Variants in NCOR1 observed in about 807,000 individuals in gnomAD.
The protein encoded by NCOR1 is protein phosphatase 1, regulatory subunit 109.
Under a neutral mutation model 288.1 loss-of-function variants are expected in NCOR1, and 63 were observed. That is an observed-to-expected ratio of 0.22 (90% confidence interval 0.18 to 0.27). The LOEUF (loss-of-function observed/expected upper bound fraction) is 0.27, where lower values mean the gene tolerates loss of function less well. Ranked by LOEUF, NCOR1 falls within the 10% of genes least tolerant of loss-of-function variation. The probability of loss-of-function intolerance (pLI) is 1.00; values close to 1 mark genes in which losing one functional copy is unlikely to be tolerated. For synonymous variants in NCOR1, 1,007 were observed against 1,065.9 expected (o/e 0.94, Z 1.08); for missense variants, 2,397 against 3,019.2 (o/e 0.79, Z 4.83).
chr17:16,180,069 C>A (rs2085089604), intron 3 of NCOR1, among the ~76,000 whole-genome samples: 1 of 151,768 alleles, frequency 6.6e-6, no homozygotes, highest in Non-Finnish European at 1.5e-5. Flanking sequence ...CCCTGGCATG[C>A]AAGGCTGGTT....
intron 27 of NCOR1, among the ~76,000 whole-genome samples, chr17:16,074,062 A>G (rs2062081048): frequency 6.6e-6 from 1 of 152,218 alleles, no homozygotes; most frequent in Non-Finnish European, 1.5e-5. Context: ...AAGGTGAGAC[A>G]GAGAAAGGTA....
intron 22 of NCOR1, 145 bp downstream of exon 22, chr17:16,091,718 T>A: frequency 6.8e-7 from 1 of 1,474,176 alleles, no homozygotes; most frequent in Non-Finnish European, 9.0e-7. Flanking sequence ...TAGTTTAAGG[T>A]CAATTTAAGG....
intron 23 of NCOR1, 28 bp downstream of exon 23, chr17:16,086,254 A>T: frequency 6.2e-7 from 1 of 1,603,128 alleles, no homozygotes; most frequent in South Asian, 1.1e-5. Flanking sequence ...TTCAACAAGA[A>T]ATCTACTGTA....
At position 16,032,011 on chromosome 17, in the gene NCOR1, G is replaced by A. The variant is rs1972094700; in HGVS notation, c.*285C>T. On this transcript the variant is annotated 3_prime_UTR_variant, in exon 46 of 46. Coordinates refer to ENST00000268712, the MANE Select transcript of NCOR1 (RefSeq NM_006311.4). ...AGACATTATGGTTTTCTTTACAGATGTAAGAACAGCAACTGTTCACTTTTT... is the reference window on the plus strand; with the variant it reads ...AGACATTATGGTTTTCTTTACAGATATAAGAACAGCAACTGTTCACTTTTT... 5.1e-6 allele frequency: 2 copies of A among 392,696 alleles called. No homozygotes were observed. Among genetic ancestry groups the A allele is most frequent in the Middle Eastern group, 6.5e-4 (1 of 1,538 alleles). The allele number at this position is 392,696 out of a possible 1,614,324, so 24.3% of individuals were successfully genotyped here.
At chr17:16,151,523 G>T in intron 8 of NCOR1, 1 of 1,127,710 alleles carries the variant, frequency 8.9e-7, no homozygotes, top group Non-Finnish European at 1.2e-6. Flanking sequence ...ACTTTGCAAT[G>T]GCAGATGTGG....
At chr17:16,076,234 G>A (rs975277843) in intron 26 of NCOR1, among the ~76,000 whole-genome samples, 2 of 152,088 alleles carry the variant, frequency 1.3e-5, no homozygotes, top group African/African-American at 4.8e-5. Flanking sequence ...TATTTTAGAC[G>A]ATGAAAATTA....
intron 19 of NCOR1, among the ~76,000 whole-genome samples, chr17:16,108,539 A>G (rs925698015): frequency 1.3e-5 from 2 of 152,214 alleles, no homozygotes; most frequent in East Asian, 3.8e-4. Context: ...CAGGTATTTT[A>G]TTGATGTTGG....
At chr17:16,039,695 G>A (rs1265917441) in intron 43 of NCOR1, 41 bp from the exon 44 acceptor site, 1 of 1,548,912 alleles carries the variant, frequency 6.5e-7, no homozygotes. Context: ...TTTCTGAAAG[G>A]CCAATCAGGA....
chr17:16,102,598 A>AT (rs917216885), intron 19 of NCOR1, among the ~76,000 whole-genome samples: 148 of 134,056 alleles, frequency 1.1e-3, no homozygotes, highest in African/African-American at 1.7e-3. Flanking sequence ...TGCATATCTA[A>AT]TTTTTTTTTT....
rs1240852837 is a variant in NCOR1, at chr17:16,061,450, G to C, written c.5832C>G (p.Asp1944Glu). The change falls in exon 37 of 46, where the codon GAC becomes GAG. Residue 1944 changes from aspartate (D) to glutamate (E), a missense_variant. Asp to Glu is a conservative substitution (Grantham distance 45). Transcript: ENST00000268712. ...DVIITRQIAS[D>E]KDARERGSQS... Reference sequence around the variant, plus strand: ...GAGAGCCACGTTCCCTCGCATCCTTGTCCGAGGCAATTTGCCGGGTGATGA... The same window carrying C: ...GAGAGCCACGTTCCCTCGCATCCTTCTCCGAGGCAATTTGCCGGGTGATGA... The C allele has an allele frequency of 1.2e-6, 2 of 1,614,184 alleles. No individual in the cohort carries two copies. Among genetic ancestry groups the C allele is most frequent in the Admixed American group, 3.3e-5 (2 of 60,030 alleles).
intron 19 of NCOR1, among the ~76,000 whole-genome samples, chr17:16,104,753 AAC>A (rs1483809183): frequency 6.6e-6 from 1 of 152,242 alleles, no homozygotes; most frequent in Non-Finnish European, 1.5e-5. Flanking sequence ...GCGCTGGGTT[AAC>A]AGAGTGAGAC....
intron 26 of NCOR1, among the ~76,000 whole-genome samples, chr17:16,076,448 G>A (rs1302615826): frequency 6.6e-6 from 1 of 152,172 alleles, no homozygotes; most frequent in African/African-American, 2.4e-5. Flanking sequence ...ATCGGAAGTT[G>A]ACAACAACCA....
At chr17:16,063,021 C>T (rs1204674425) in intron 35 of NCOR1, among the ~76,000 whole-genome samples, 1 of 152,140 alleles carries the variant, frequency 6.6e-6, no homozygotes, top group African/African-American at 2.4e-5. Flanking sequence ...TGTCCTCACT[C>T]CAACCTTCTA....
At chr17:16,114,160 A>AAAAAAAAC (rs1555667911) in intron 18 of NCOR1, among the ~76,000 whole-genome samples, 1,987 of 106,866 alleles carry the variant, frequency 0.019, 301 homozygotes, top group Middle Eastern at 0.026. Context: ...AAAAAAAAAA[A>AAAAAAAAC]AAAAAAAAAC....
chr17:16,128,454 G>C (rs1173947244), intron 14 of NCOR1, among the ~76,000 whole-genome samples: 2 of 152,192 alleles, frequency 1.3e-5, no homozygotes, highest in Non-Finnish European at 2.9e-5. Flanking sequence ...CTGGCTCTCT[G>C]TGTTATCATC....
intron 20 of NCOR1, 21 bp from the exon 21 acceptor site, chr17:16,098,517 A>C: frequency 1.3e-6 from 2 of 1,597,232 alleles, no homozygotes; most frequent in Non-Finnish European, 1.7e-6. Context: ...AATTTAAAAA[A>C]AAGATAAATG....
chr17:16,108,783 T>C lies in NCOR1; in HGVS notation c.2182+3A>G. The C allele has an allele frequency of 1.3e-6, 2 of 1,583,146 alleles. No individual in the cohort carries two copies. Among genetic ancestry groups the C allele is most frequent in the Non-Finnish European group, 8.6e-7 (1 of 1,166,946 alleles). On this transcript the variant is annotated splice_donor_region_variant and intron_variant, in intron 19 of 45. Transcript: ENST00000268712. Reference sequence around the variant, plus strand: ...CACAACTAAATTTAAAATTTTGAGATACCTTCGCTGTCTTCTGGATTTTCT... The same window carrying C: ...CACAACTAAATTTAAAATTTTGAGACACCTTCGCTGTCTTCTGGATTTTCT...
chr17:16,083,452 C>T (rs1032276612), intron 23 of NCOR1, among the ~76,000 whole-genome samples: 14 of 151,862 alleles, frequency 9.2e-5, no homozygotes, highest in African/African-American at 3.1e-4. Flanking sequence ...AACTTTAAAG[C>T]GCTGCTGAGA....
At position 16,092,066 on chromosome 17, in the gene NCOR1, A is replaced by G. The variant is rs759206934; in HGVS notation, c.2821-8T>C. The stretch of plus-strand genomic sequence containing the variant: ...ACATGGGGTGCAGGATACCTATAGG[A>G]AGAAAATAAATCGAAATATGCAAAC... On this transcript the variant is annotated splice_polypyrimidine_tract_variant and splice_region_variant and intron_variant, in intron 21 of 45. Coordinates refer to ENST00000268712, the MANE Select transcript of NCOR1 (RefSeq NM_006311.4). 24 of 1,612,502 alleles carry G rather than the reference A, an allele frequency of 1.5e-5. No homozygotes were observed. In the East Asian group the frequency reaches 3.1e-4, roughly 21 times the overall value.
Sources: allele counts gnomAD v4.1 joint callset (sites outside exome capture counted in the v4.1 genomes callset), GRCh38; gene constraint gnomAD v4.1.1; transcripts MANE v1.5; gene names NCBI Gene and HGNC (gene_info 2026-07-23, HGNC 2026-07-21).